Variants in TBC1D5 observed in about 807,000 individuals in gnomAD.
TBC1D5 encodes the protein TBC1 domain family member 5, also known as TBC1 domain family, member 5.
In TBC1D5, 75 loss-of-function variants were observed where a neutral mutation model predicts 100.3. The ratio of observed to expected loss-of-function variants is 0.75; its 90% CI spans 0.62 to 0.91. TBC1D5 has a LOEUF of 0.91. Ranked by LOEUF, TBC1D5 falls within the 40% of genes least tolerant of loss-of-function variation. TBC1D5 has a pLI of 0.00. For synonymous variants in TBC1D5, 323 were observed against 325.6 expected (o/e 0.99, Z 0.09); for missense variants, 910 against 942.4 (o/e 0.97, Z 0.45).
At chr3:17,606,705 G>A (rs2061355575) in intron 2 of TBC1D5, among the ~76,000 whole-genome samples, 1 of 152,056 alleles carries the variant, frequency 6.6e-6, no homozygotes, top group Admixed American at 6.6e-5. Flanking sequence ...ACCTTTACAA[G>A]GTTCAGTTCA....
At chr3:17,500,811 C>T (rs945359590) in intron 3 of TBC1D5, among the ~76,000 whole-genome samples, 3 of 149,418 alleles carry the variant, frequency 2.0e-5, no homozygotes. Context: ...CTTCCTCTTT[C>T]CTTTGATTTC....
At chr3:17,370,644 C>T (rs1004027597) in intron 13 of TBC1D5, among the ~76,000 whole-genome samples, 1 of 152,154 alleles carries the variant, frequency 6.6e-6, no homozygotes, top group Non-Finnish European at 1.5e-5. Context: ...GAAAAGCAGA[C>T]TTCTTCAGTC....
intron 3 of TBC1D5, among the ~76,000 whole-genome samples, chr3:17,476,927 G>A (rs1266060389): frequency 6.6e-6 from 1 of 151,872 alleles, no homozygotes; most frequent in Non-Finnish European, 1.5e-5. Context: ...ATATAACAAG[G>A]AATATAGGTA....
At chr3:17,290,915 T>C (rs2081659051) in intron 15 of TBC1D5, among the ~76,000 whole-genome samples, 1 of 152,206 alleles carries the variant, frequency 6.6e-6, no homozygotes, top group Admixed American at 6.5e-5. Flanking sequence ...TGAATTCTTT[T>C]AAATCAATCA....
At chr3:17,269,496 AT>A (rs1023187054) in intron 15 of TBC1D5, among the ~76,000 whole-genome samples, 2 of 151,944 alleles carry the variant, frequency 1.3e-5, no homozygotes, top group African/African-American at 4.8e-5. Flanking sequence ...TTTAACTTCA[AT>A]TTTTATTTTA....
intron 13 of TBC1D5, among the ~76,000 whole-genome samples, chr3:17,353,535 G>T (rs762248065): frequency 3.9e-5 from 6 of 152,038 alleles, no homozygotes; most frequent in Admixed American, 1.3e-4. Flanking sequence ...GCATAACTAT[G>T]TGAATGCGAA....
Position 17,627,881 on chromosome 3 carries a change from G to A in TBC1D5, c.-100-3968C>T, listed in dbSNP as rs922135366. Among the ~76,000 whole-genome samples, 8 of 151,980 alleles carry A rather than the reference G, an allele frequency of 5.3e-5. No individual in the cohort carries two copies. The South Asian group carries it at 6.2e-4, about 12-fold the overall frequency. On this transcript the variant is annotated intron_variant, in intron 1 of 21. Coordinates refer to ENST00000253692, the Ensembl canonical transcript of TBC1D5. ...AAGATTAAAAGAAAAACACTGTCAC[G>A]TGCTTTTTATGCTTTATATATCAAT... is the stretch of plus-strand genomic sequence containing the variant.
chr3:17,484,013 G>A (rs9812906), intron 3 of TBC1D5, among the ~76,000 whole-genome samples: 59,630 of 151,820 alleles, frequency 0.39, 12,349 homozygotes, highest in Middle Eastern at 0.47. Flanking sequence ...AAAACCATTA[G>A]ACAACTGGAG....
chr3:17,514,664 G>A (rs142797061), intron 2 of TBC1D5, among the ~76,000 whole-genome samples: 1 of 152,210 alleles, frequency 6.6e-6, no homozygotes, highest in African/African-American at 2.4e-5. Flanking sequence ...TACAAACTAA[G>A]AATGTATTTT....
At chr3:17,199,048 A>C (rs2071104158) in intron 18 of TBC1D5, among the ~76,000 whole-genome samples, 1 of 152,252 alleles carries the variant, frequency 6.6e-6, no homozygotes, top group African/African-American at 2.4e-5. Context: ...CTCTAGAGTG[A>C]AACGCAAGGT....
At chr3:17,405,561 A>T (rs2093749636) in intron 5 of TBC1D5, among the ~76,000 whole-genome samples, 2 of 152,110 alleles carry the variant, frequency 1.3e-5, no homozygotes, top group Non-Finnish European at 2.9e-5. Context: ...ATTTATTTTT[A>T]ACAAATGAAA....
chr3:17,724,218 T>A (rs1464090495), intron 1 of TBC1D5, among the ~76,000 whole-genome samples: 1 of 151,782 alleles, frequency 6.6e-6, no homozygotes. Flanking sequence ...GTGCCTATGG[T>A]CTCAGCAGGG....
chr3:17,486,502 T>C (rs1553783148), intron 3 of TBC1D5, among the ~76,000 whole-genome samples: 4 of 152,140 alleles, frequency 2.6e-5, no homozygotes, highest in Non-Finnish European at 5.9e-5. Flanking sequence ...ATCCATCTTT[T>C]AAAAGTCTCT....
chr3:17,287,012 A>T (rs2081254448), intron 15 of TBC1D5, among the ~76,000 whole-genome samples: 1 of 152,218 alleles, frequency 6.6e-6, no homozygotes, highest in Non-Finnish European at 1.5e-5. Flanking sequence ...TCCATAATAT[A>T]TGACAGTAGT....
chr3:17,641,189 C>T (rs2064461688), intron 1 of TBC1D5, among the ~76,000 whole-genome samples: 1 of 152,032 alleles, frequency 6.6e-6, no homozygotes, highest in African/African-American at 2.4e-5. Flanking sequence ...TATTAGGACA[C>T]CAGGGGTCCT....
intron 18 of TBC1D5, among the ~76,000 whole-genome samples, chr3:17,195,290 C>A (rs1027100724): frequency 6.6e-6 from 1 of 152,170 alleles, no homozygotes; most frequent in Non-Finnish European, 1.5e-5. Flanking sequence ...GTAGTTCTCT[C>A]CTCCACCAGG....
intron 1 of TBC1D5, among the ~76,000 whole-genome samples, chr3:17,731,705 T>C (rs1023331340): frequency 6.6e-6 from 1 of 152,014 alleles, no homozygotes; most frequent in Non-Finnish European, 1.5e-5. Context: ...ATAGTAGGGA[T>C]GAAGACACAA....
intron 4 of TBC1D5, among the ~76,000 whole-genome samples, chr3:17,408,941 A>G (rs1478515251): frequency 1.3e-5 from 2 of 152,162 alleles, no homozygotes; most frequent in Non-Finnish European, 2.9e-5. Context: ...TACCTAAAAT[A>G]TTCTAAATAT....
At chr3:17,375,894 T>C (rs546415315) in intron 10 of TBC1D5, among the ~76,000 whole-genome samples, 7 of 152,186 alleles carry the variant, frequency 4.6e-5, no homozygotes, top group Non-Finnish European at 1.0e-4. Flanking sequence ...TGAATACTCC[T>C]GGACACAACC....
Sources: gnomAD v4.1 joint callset for allele counts (sites outside exome capture counted in the v4.1 genomes callset) on GRCh38, gnomAD v4.1.1 for gene constraint, MANE v1.5 for transcripts, NCBI Gene and HGNC (gene_info 2026-07-23, HGNC 2026-07-21) for gene names.